CACNB4: variants seen among roughly 807,000 people sequenced by gnomAD.
CACNB4 encodes calcium voltage-gated channel auxiliary subunit beta 4.
A neutral mutation model predicts 71.2 loss-of-function variants in CACNB4; 32 were observed. That is an observed-to-expected ratio of 0.45 (90% confidence interval 0.34 to 0.60). The LOEUF is 0.60. CACNB4 is among the 20% of genes least tolerant of loss of function. The pLI, the probability that CACNB4 is intolerant of heterozygous loss-of-function variation, is 0.01. For missense variants in CACNB4, 464 were observed against 647.9 expected (o/e 0.72, Z 3.08); for synonymous variants, 231 against 236.9 (o/e 0.97, Z 0.23).
chr2:152,006,015 AT>A (rs1682705120), intron 2 of CACNB4, among the ~76,000 whole-genome samples: 1 of 152,188 alleles, frequency 6.6e-6, no homozygotes. Flanking sequence ...CATAAAAATC[AT>A]TTTTTAAGTA....
chr2:151,933,740 A>T (rs2099862228), intron 2 of CACNB4, among the ~76,000 whole-genome samples: 1 of 152,210 alleles, frequency 6.6e-6, no homozygotes, highest in Non-Finnish European at 1.5e-5. Context: ...GGCACTTGAT[A>T]TCAAACTCCA....
chr2:151,950,500 C>A (rs1004682088), intron 2 of CACNB4, among the ~76,000 whole-genome samples: 2 of 152,216 alleles, frequency 1.3e-5, no homozygotes, highest in African/African-American at 4.8e-5. Flanking sequence ...AAAACAGGAA[C>A]TCAAACGAAT....
At chr2:151,971,278 A>C in intron 2 of CACNB4, 1 of 572,100 alleles carries the variant, frequency 1.7e-6, no homozygotes. Flanking sequence ...ATCTTATTAC[A>C]AGCTTACTGT....
intron 2 of CACNB4, among the ~76,000 whole-genome samples, chr2:151,938,978 C>T (rs1020591868): frequency 6.6e-6 from 1 of 152,246 alleles, no homozygotes; most frequent in Admixed American, 6.5e-5. Context: ...CTCACAACTC[C>T]TTTCTCTATC....
At position 152,045,703 on chromosome 2, in the gene CACNB4, G is replaced by A. The variant is rs747953615; in HGVS notation, c.147+52627C>T. On this transcript the variant is annotated intron_variant, in intron 2 of 13. Coordinates refer to ENST00000539935, the MANE Select transcript of CACNB4 (RefSeq NM_000726.5). ...GTAGCCTCTTCTCCCTCTCCCTCACGCAACCTCCAAGAGCACAGACTGGAA... is the reference window on the plus strand; with the variant it reads ...GTAGCCTCTTCTCCCTCTCCCTCACACAACCTCCAAGAGCACAGACTGGAA... 4.5e-4 allele frequency among the ~76,000 whole-genome samples: 69 copies of A among 152,066 alleles called. 1 individual carries two copies. The highest frequency in any genetic ancestry group is 7.9e-4 in the Admixed American group (12 of 15,266).
intron 6 of CACNB4, chr2:151,871,436 T>A (rs1050754544): frequency 2.6e-5 from 4 of 152,806 alleles, no homozygotes; most frequent in Admixed American, 2.0e-4. Context: ...AATGAGTTAT[T>A]CCTGTTCTTT....
intron 2 of CACNB4, among the ~76,000 whole-genome samples, chr2:152,035,062 C>A (rs895849390): frequency 3.3e-5 from 5 of 152,174 alleles, no homozygotes; most frequent in African/African-American, 1.2e-4. Flanking sequence ...ACTTTATAAT[C>A]CAATGCCCTT....
intron 2 of CACNB4, among the ~76,000 whole-genome samples, chr2:151,919,685 T>C (rs2099858428): frequency 2.0e-5 from 3 of 152,152 alleles, no homozygotes. Flanking sequence ...TGTTTACCTC[T>C]CCTTTTTTGC....
chr2:151,892,784 A>G (rs2099851038), intron 2 of CACNB4, among the ~76,000 whole-genome samples: 1 of 152,234 alleles, frequency 6.6e-6, no homozygotes, highest in African/African-American at 2.4e-5. Flanking sequence ...GAAAGAATCA[A>G]TGAGATGGCT....
intron 2 of CACNB4, among the ~76,000 whole-genome samples, chr2:151,930,883 A>T (rs2099861479): frequency 6.6e-6 from 1 of 152,190 alleles, no homozygotes; most frequent in South Asian, 2.1e-4. Context: ...ATTCTACAAC[A>T]TTCATTTGCC....
At position 152,071,140 on chromosome 2, in the gene CACNB4, A is replaced by G. The variant is rs145134659; in HGVS notation, c.147+27190T>C. Among the ~76,000 whole-genome samples the G allele has an allele frequency of 1.7e-3, 255 of 152,350 alleles. 1 individual carries two copies. The highest frequency in any genetic ancestry group is 5.9e-3 in the African/African-American group (244 of 41,568). On this transcript the variant is annotated intron_variant, in intron 2 of 13. Transcript: ENST00000539935. ...TGCTGGATGAAGAAACAAGTAATCA[A>G]AGGCTGTATACTTAATAACTGTTGT...
chr2:151,988,297 C>T (rs749129262), intron 2 of CACNB4, among the ~76,000 whole-genome samples: 11 of 152,166 alleles, frequency 7.2e-5, no homozygotes, highest in Non-Finnish European at 1.3e-4. Flanking sequence ...TTCATATTCA[C>T]TTACATTCTG....
chr2:151,863,517 T>C (rs998927477), intron 9 of CACNB4, among the ~76,000 whole-genome samples: 1 of 152,170 alleles, frequency 6.6e-6, no homozygotes, highest in African/African-American at 2.4e-5. Context: ...TCTAGACCAA[T>C]GATTTTTGGA....
Position 151,835,226 on chromosome 2 carries a change from T to C in CACNB4, c.*3893A>G, listed in dbSNP as rs1021942572. 2 of 151,958 alleles carry C rather than the reference T, an allele frequency of 1.3e-5. No individual in the cohort carries two copies. Among genetic ancestry groups the C allele is most frequent in the African/African-American group, 4.8e-5 (2 of 41,440 alleles). The allele number at this position is 151,958 out of a possible 1,614,324, so 9.4% of individuals were successfully genotyped here. A position where few individuals can be genotyped will look rare whatever the true frequency, so the allele number is the denominator to read the frequency against. ...GTTTGTTTTGTTCCCTATGATGACTTATTTGTTAAATTAACCTTGCCTCAT... is the reference window on the plus strand; with the variant it reads ...GTTTGTTTTGTTCCCTATGATGACTCATTTGTTAAATTAACCTTGCCTCAT... On this transcript the variant is annotated 3_prime_UTR_variant, in exon 14 of 14. Coordinates refer to ENST00000539935, the MANE Select transcript of CACNB4 (RefSeq NM_000726.5).
At chr2:151,888,762 C>G (rs938471798) in intron 2 of CACNB4, among the ~76,000 whole-genome samples, 3 of 152,088 alleles carry the variant, frequency 2.0e-5, no homozygotes, top group African/African-American at 7.2e-5. Context: ...TCTGGGGATT[C>G]TTGCCTCATC....
At chr2:151,984,342 C>T (rs1335746967) in intron 2 of CACNB4, among the ~76,000 whole-genome samples, 1 of 152,120 alleles carries the variant, frequency 6.6e-6, no homozygotes, top group Non-Finnish European at 1.5e-5. Flanking sequence ...TCGGATTTAC[C>T]TAACTTAATG....
Position 151,984,173 on chromosome 2 carries a change from A to G in CACNB4, c.148-100803T>C, listed in dbSNP as rs1681199184. On this transcript the variant is annotated intron_variant, in intron 2 of 13. Transcript: ENST00000539935. ...ATTTAAACCTACGAATTGCTTGAAC[A>G]TGGAGCAATTGTTTTAACATGCTTT... 2.6e-5 allele frequency among the ~76,000 whole-genome samples: 4 copies of G among 152,162 alleles called. No individual in the cohort carries two copies. The South Asian group carries it at 8.3e-4, about 31-fold the overall frequency.
chr2:151,958,476 C>G (rs1328332719), intron 2 of CACNB4, among the ~76,000 whole-genome samples: 1 of 152,146 alleles, frequency 6.6e-6, no homozygotes, highest in Non-Finnish European at 1.5e-5. Context: ...GGCTTCTAAC[C>G]TGAGATCCCC....
intron 2 of CACNB4, among the ~76,000 whole-genome samples, chr2:152,063,671 C>G (rs1229847003): frequency 6.6e-6 from 1 of 152,166 alleles, no homozygotes; most frequent in African/African-American, 2.4e-5. Flanking sequence ...TAGACCAAAG[C>G]AAACAACTTA....
Sources: allele counts gnomAD v4.1 joint callset (sites outside exome capture counted in the v4.1 genomes callset), GRCh38; gene constraint gnomAD v4.1.1; transcripts MANE v1.5; gene names NCBI Gene and HGNC (gene_info 2026-07-23, HGNC 2026-07-21).